The following PIK3C2G variants were observed in gnomAD, a reference collection of about 807,000 sequenced individuals.
PIK3C2G encodes the protein phosphatidylinositol-4-phosphate 3-kinase catalytic subunit type 2 gamma.
In PIK3C2G, 168 loss-of-function variants were observed where a neutral mutation model predicts 181.1. The observed-to-expected ratio is 0.93, with a 90% CI of 0.82 to 1.05. The LOEUF (loss-of-function observed/expected upper bound fraction) is 1.05. Among genes scored for constraint, PIK3C2G ranks in the 50% least tolerant of loss-of-function variants. The pLI is 0.00. For synonymous variants in PIK3C2G, 573 were observed against 592.2 expected, an observed-to-expected ratio of 0.97 and a Z score of 0.47; for missense variants, 1,869 against 1,732.8, an observed-to-expected ratio of 1.08 and a Z score of -1.40.
intron 11 of PIK3C2G, among the ~76,000 whole-genome samples, chr12:18,353,297 T>A (rs1233396542): frequency 5.3e-5 from 8 of 151,952 alleles, no homozygotes; most frequent in Non-Finnish European, 1.2e-4. Flanking sequence ...CAGAGTTTGA[T>A]GGCCTCTAGG....
At chr12:18,279,702 A>G (rs1308296744) in intron 1 of PIK3C2G, among the ~76,000 whole-genome samples, 1 of 152,034 alleles carries the variant, frequency 6.6e-6, no homozygotes, top group Non-Finnish European at 1.5e-5. Flanking sequence ...AGCTTATTCT[A>G]CAAACATAAA....
At chr12:18,538,118 T>A in intron 24 of PIK3C2G, 38 bp from the exon 25 acceptor site, 13 of 1,578,770 alleles carry the variant, frequency 8.2e-6, no homozygotes, top group Non-Finnish European at 1.1e-5. Flanking sequence ...AAACCATTTC[T>A]CTTCCTTCGA....
intron 18 of PIK3C2G, among the ~76,000 whole-genome samples, chr12:18,440,822 T>C (rs1946708762): frequency 6.6e-6 from 1 of 152,100 alleles, no homozygotes; most frequent in African/African-American, 2.4e-5. Context: ...AAGGCACAAT[T>C]TGGCTTATAT....
intron 1 of PIK3C2G, among the ~76,000 whole-genome samples, chr12:18,274,019 G>A (rs1948864691): frequency 6.6e-6 from 1 of 152,072 alleles, no homozygotes; most frequent in Non-Finnish European, 1.5e-5. Flanking sequence ...CTTGAAAGAA[G>A]ACACTTACAC....
At chr12:18,565,793 T>C (rs554615543) in intron 28 of PIK3C2G, among the ~76,000 whole-genome samples, 15 of 152,292 alleles carry the variant, frequency 9.8e-5, no homozygotes, top group Admixed American at 4.6e-4. Flanking sequence ...AATAGCAGAA[T>C]TGACGTAGAC....
chr12:18,681,955 G>C, the PIK3C2G span, among the ~76,000 whole-genome samples: 9,270 of 152,026 alleles, frequency 0.061, 941 homozygotes, highest in African/African-American at 0.21. Flanking sequence ...AGGGTAAAGC[G>C]TTGGGTCAAT....
chr12:18,277,986 C>T (rs11043996), intron 1 of PIK3C2G, among the ~76,000 whole-genome samples: 9,053 of 152,198 alleles, frequency 0.059, 402 homozygotes, highest in Non-Finnish European at 0.093. Context: ...TTGAATTGAG[C>T]TGAACTTTCC....
chr12:18,356,949 C>T (rs553444125), intron 11 of PIK3C2G, among the ~76,000 whole-genome samples: 4 of 152,016 alleles, frequency 2.6e-5, no homozygotes, highest in Non-Finnish European at 4.4e-5. Context: ...AGGCTTCAGG[C>T]CCAGGCTTGA....
chr12:18,618,280 G>A (rs1948693435), intron 31 of PIK3C2G, among the ~76,000 whole-genome samples: 1 of 152,000 alleles, frequency 6.6e-6, no homozygotes, highest in Non-Finnish European at 1.5e-5. Context: ...GAGACTATAG[G>A]AAAGTCCCCG....
chr12:18,455,093 C>T (rs996463016), intron 18 of PIK3C2G, among the ~76,000 whole-genome samples: 3 of 152,118 alleles, frequency 2.0e-5, no homozygotes, highest in African/African-American at 7.2e-5. Context: ...TGCCAGGAGG[C>T]CCACTTCATC....
chr12:18,610,808 A>ATAT (rs3983621), intron 31 of PIK3C2G, among the ~76,000 whole-genome samples: 112,968 of 151,560 alleles, frequency 0.75, 43,063 homozygotes, highest in East Asian at 0.94. Context: ...ATATTAAGAA[A>ATAT]TATTAATCAA....
At chr12:18,272,189 G>A (rs955651380) in intron 1 of PIK3C2G, among the ~76,000 whole-genome samples, 3 of 151,924 alleles carry the variant, frequency 2.0e-5, no homozygotes, top group Non-Finnish European at 2.9e-5. Flanking sequence ...TTCCTGCTCC[G>A]TTTATTTTTT....
intron 11 of PIK3C2G, among the ~76,000 whole-genome samples, chr12:18,352,998 G>C (rs1469310067): frequency 1.3e-5 from 2 of 152,160 alleles, no homozygotes; most frequent in African/African-American, 4.8e-5. Context: ...AGGCTAAAAA[G>C]CAACATTCAA....
At chr12:18,680,870 G>A in the PIK3C2G span, among the ~76,000 whole-genome samples, 2 of 152,046 alleles carry the variant, frequency 1.3e-5, no homozygotes, top group Non-Finnish European at 2.9e-5. Context: ...GTCAAGAACA[G>A]GGGTCAATTC....
At chr12:18,662,911 C>T in the PIK3C2G span, among the ~76,000 whole-genome samples, 1 of 151,890 alleles carries the variant, frequency 6.6e-6, no homozygotes, top group African/African-American at 2.4e-5. Context: ...ATCAACTAAA[C>T]ACAAAAAGAC....
At chr12:18,366,725 C>T (rs1032693327) in intron 12 of PIK3C2G, among the ~76,000 whole-genome samples, 4 of 146,832 alleles carry the variant, frequency 2.7e-5, no homozygotes, top group African/African-American at 1.0e-4. Context: ...CTATACTATA[C>T]CTGTTCCTTG....
At chr12:18,386,585 A>G (rs1464436275) in intron 14 of PIK3C2G, among the ~76,000 whole-genome samples, 1 of 152,174 alleles carries the variant, frequency 6.6e-6, no homozygotes, top group Non-Finnish European at 1.5e-5. Flanking sequence ...TAATATTTTC[A>G]AAGTGCATCC....
In PIK3C2G at chr12:18,313,993, C is replaced by A; in HGVS notation, c.1066C>A (p.Gln356Lys). The change falls in exon 6 of 33, where the codon CAA (glutamine) becomes AAA (lysine). Residue 356 changes from glutamine to lysine, a missense_variant. Physicochemically the swap from Gln to Lys is moderately conservative, Grantham distance 53 (BLOSUM62 1). Transcript: ENST00000538779. ...DHCLGSHKMF[Q>K]KDKSVIQLHL... ...CTGTTTGGGGAGCCACAAAATGTTT[C>A]AAAAAGATAAATCTGTTATTCAGCT... 1 of 1,590,512 alleles carries A rather than the reference C, an allele frequency of 6.3e-7. No homozygotes were observed. Among genetic ancestry groups the A allele is most frequent in the Non-Finnish European group, 8.6e-7 (1 of 1,167,208 alleles).
chr12:18,435,099 C>G (rs1269030159), intron 18 of PIK3C2G, among the ~76,000 whole-genome samples: 1 of 151,920 alleles, frequency 6.6e-6, no homozygotes, highest in African/African-American at 2.4e-5. Context: ...TTCCTACCCT[C>G]TACCATTTCA....
Sources: allele counts gnomAD v4.1 joint callset (sites outside exome capture counted in the v4.1 genomes callset), GRCh38; gene constraint gnomAD v4.1.1; transcripts MANE v1.5; gene names NCBI Gene and HGNC (gene_info 2026-07-23, HGNC 2026-07-21).